The following NOX4 variants were observed in gnomAD, a reference collection of about 807,000 sequenced individuals.
The protein encoded by NOX4 is NADPH oxidase 4, also known as kidney oxidase-1.
Under a neutral mutation model 87.6 loss-of-function variants are expected in NOX4, and 69 were observed. That is an observed-to-expected ratio of 0.79 (90% CI 0.65 to 0.96). The LOEUF is 0.96. Ranked by LOEUF, NOX4 falls within the 40% of genes least tolerant of loss-of-function variation. The pLI is 0.00. For missense variants in NOX4, 680 were observed against 681.5 expected (o/e 1.00, Z 0.02); for synonymous variants, 275 against 238.2 (o/e 1.15, Z -1.42).
intron 13 of NOX4, among the ~76,000 whole-genome samples, chr11:89,347,089 G>A (rs973702799): frequency 5.9e-5 from 9 of 152,166 alleles, no homozygotes; most frequent in African/African-American, 1.7e-4. Flanking sequence ...AGGATTAGAA[G>A]ATGAAAGACA....
At chr11:89,416,365 A>G (rs1452906885) in intron 8 of NOX4, among the ~76,000 whole-genome samples, 1 of 152,220 alleles carries the variant, frequency 6.6e-6, no homozygotes, top group Non-Finnish European at 1.5e-5. Flanking sequence ...TCCCACCAGT[A>G]GCAAGATGAC....
intron 11 of NOX4, among the ~76,000 whole-genome samples, chr11:89,380,098 G>A (rs890233369): frequency 6.6e-6 from 1 of 152,152 alleles, no homozygotes; most frequent in African/African-American, 2.4e-5. Flanking sequence ...ATAAACTTGG[G>A]ACATGAAGCA....
At chr11:89,552,329 T>C in the NOX4 span, among the ~76,000 whole-genome samples, 2 of 152,340 alleles carry the variant, frequency 1.3e-5, no homozygotes, top group South Asian at 4.1e-4. Context: ...TTATCTGCTG[T>C]ACTATCTTGT....
chr11:89,473,544 A>G (rs1478353583), intron 2 of NOX4, among the ~76,000 whole-genome samples: 1 of 152,058 alleles, frequency 6.6e-6, no homozygotes, highest in African/African-American at 2.4e-5. Context: ...ATCCATAATG[A>G]TATATATTAA....
intron 12 of NOX4, among the ~76,000 whole-genome samples, chr11:89,368,739 T>C (rs1359032412): frequency 1.3e-5 from 2 of 152,078 alleles, no homozygotes; most frequent in Non-Finnish European, 2.9e-5. Context: ...GGGAATGATG[T>C]TGGTCAATTT....
intron 8 of NOX4, among the ~76,000 whole-genome samples, chr11:89,415,596 T>C (rs146349878): frequency 6.6e-6 from 1 of 152,258 alleles, no homozygotes; most frequent in East Asian, 1.9e-4. Flanking sequence ...ATTAAACTTA[T>C]ACATAAATAT....
the NOX4 span, among the ~76,000 whole-genome samples, chr11:89,585,100 T>C: frequency 6.6e-6 from 1 of 152,168 alleles, no homozygotes; most frequent in Non-Finnish European, 1.5e-5. Flanking sequence ...ACCTGAGGCA[T>C]TAGCTTACAC....
the NOX4 span, among the ~76,000 whole-genome samples, chr11:89,537,131 T>C: frequency 1.3e-5 from 2 of 152,192 alleles, no homozygotes; most frequent in African/African-American, 4.8e-5. Flanking sequence ...CTTCATATTT[T>C]GAGTTTTTGC....
chr11:89,493,284 C>T (rs1946905631), upstream of NOX4, among the ~76,000 whole-genome samples: 1 of 151,954 alleles, frequency 6.6e-6, no homozygotes, highest in African/African-American at 2.4e-5. Context: ...ATTCAGGAGG[C>T]TGAGGCAGAA....
intron 9 of NOX4, among the ~76,000 whole-genome samples, chr11:89,400,696 A>G (rs565672802): frequency 6.6e-6 from 1 of 152,062 alleles, no homozygotes; most frequent in Admixed American, 6.6e-5. Context: ...TATACACAAT[A>G]TATTTAATAA....
intron 17 of NOX4, among the ~76,000 whole-genome samples, chr11:89,332,916 TA>T (rs1249165614): frequency 6.6e-6 from 1 of 151,750 alleles, no homozygotes; most frequent in Non-Finnish European, 1.5e-5. Context: ...TTTCTGAATT[TA>T]AAAAAAGCAA....
chr11:89,380,331 G>C (rs1940184621), intron 11 of NOX4, among the ~76,000 whole-genome samples: 1 of 152,158 alleles, frequency 6.6e-6, no homozygotes. Context: ...GCTGTATTAA[G>C]AGCTGCTTAT....
chr11:89,484,173 G>A (rs1946497599), intron 2 of NOX4, among the ~76,000 whole-genome samples: 1 of 152,028 alleles, frequency 6.6e-6, no homozygotes, highest in African/African-American at 2.4e-5. Context: ...CTATCTTTGA[G>A]ATTCATTCTA....
In NOX4 at chr11:89,400,357, G is replaced by A; in HGVS notation, c.869C>T (p.Pro290Leu). 2 of 1,580,382 alleles carry A rather than the reference G, an allele frequency of 1.3e-6. No homozygotes were observed. The highest frequency in any genetic ancestry group is 1.7e-6 in the Non-Finnish European group (2 of 1,166,348). ...FPQTWLWISG[P>L]LCLYCAERLY... ...TCTTTCGGCACAGTACAGGCACAAA[G>A]GTCCAGAAATCCAAAGCCAAGTCTA... Residue 290 changes from proline to leucine, a missense_variant, in exon 10 of 18, where the codon CCT becomes CTT. Pro to Leu is a moderately conservative substitution (Grantham distance 98, BLOSUM62 -3). Transcript: ENST00000263317.
chr11:89,498,148 G>A (rs1591386344), exon 1 of NOX4: 2 of 152,072 alleles, frequency 1.3e-5, no homozygotes, highest in African/African-American at 4.8e-5. Flanking sequence ...CCATTTGTTG[G>A]TGCATTTTCT....
rs1035668858 is a variant in NOX4, at chr11:89,486,620, A to G, written c.153+3838T>C. On this transcript the variant is annotated intron_variant, in intron 2 of 17. Coordinates refer to ENST00000263317, the MANE Select transcript of NOX4 (RefSeq NM_016931.5). ...TATATACATATATATGTGTGTATAT[A>G]TGTGTATATATACATATATATGTGT... Among the ~76,000 whole-genome samples, 5 of 124,092 alleles carry G rather than the reference A, an allele frequency of 4.0e-5. No homozygotes were observed. In the East Asian group the frequency reaches 9.2e-4, roughly 23 times the overall value. 81.4% of individuals were successfully genotyped at this position (124,092 alleles called of 152,430 possible). A position where few individuals can be genotyped will look rare whatever the true frequency, so the allele number is the denominator to read the frequency against.
chr11:89,430,640 C>A (rs1943726313), intron 7 of NOX4, among the ~76,000 whole-genome samples: 1 of 152,140 alleles, frequency 6.6e-6, no homozygotes, highest in Admixed American at 6.6e-5. Context: ...AGGAATCCAA[C>A]TTACAAGGGA....
chr11:89,406,328 G>T (rs1565248999), intron 8 of NOX4, among the ~76,000 whole-genome samples: 1 of 152,126 alleles, frequency 6.6e-6, no homozygotes, highest in East Asian at 1.9e-4. Context: ...TGTTCTATAT[G>T]ATTTTTATGG....
the NOX4 span, among the ~76,000 whole-genome samples, chr11:89,506,867 G>C: frequency 6.6e-6 from 1 of 151,836 alleles, no homozygotes; most frequent in African/African-American, 2.4e-5. Flanking sequence ...ACTACAATGT[G>C]ATAGCACTAC....
Sources: allele counts gnomAD v4.1 joint callset (sites outside exome capture counted in the v4.1 genomes callset), GRCh38; gene constraint gnomAD v4.1.1; transcripts MANE v1.5; gene names NCBI Gene and HGNC (gene_info 2026-07-23, HGNC 2026-07-21).